TTC28: variants seen among roughly 807,000 people sequenced by gnomAD.
The protein encoded by TTC28 is tetratricopeptide repeat protein 28.
TTC28 carries 61 observed loss-of-function variants against 198.0 expected under a neutral mutation model. The ratio of observed to expected loss-of-function variants is 0.31; its 90% CI spans 0.25 to 0.38. TTC28 has a LOEUF of 0.38. Among genes scored for constraint, TTC28 ranks in the 10% least tolerant of loss-of-function variants. The pLI is 1.00. For missense variants in TTC28, 2,678 were observed against 3,164.0 expected (o/e 0.85, Z 3.69); for synonymous variants, 1,171 against 1,297.8 (o/e 0.90, Z 2.10).
At chr22:28,051,282 T>C (rs904631016) in intron 12 of TTC28, among the ~76,000 whole-genome samples, 6 of 152,250 alleles carry the variant, frequency 3.9e-5, no homozygotes, top group African/African-American at 1.4e-4. Context: ...CCATCTCTGA[T>C]GTTTTTTGAA....
chr22:28,209,872 TGAGAG>T (rs1306772112), intron 5 of TTC28, among the ~76,000 whole-genome samples: 1 of 152,204 alleles, frequency 6.6e-6, no homozygotes, highest in African/African-American at 2.4e-5. Flanking sequence ...GTAGTCTAAC[TGAGAG>T]ACACCTCCCA....
intron 2 of TTC28, among the ~76,000 whole-genome samples, chr22:28,471,773 C>G (rs183284390): frequency 1.2e-3 from 185 of 152,244 alleles, no homozygotes; most frequent in Non-Finnish European, 1.6e-3. Context: ...TTCTGTATAA[C>G]AAGAGAAAGA....
chr22:28,533,979 C>T (rs564895474), intron 2 of TTC28, among the ~76,000 whole-genome samples: 2 of 152,262 alleles, frequency 1.3e-5, no homozygotes, highest in South Asian at 4.2e-4. Context: ...CTAGGCAATA[C>T]CATTCAGGAC....
intron 2 of TTC28, among the ~76,000 whole-genome samples, chr22:28,492,119 G>A (rs2048388801): frequency 6.6e-6 from 1 of 152,028 alleles, no homozygotes; most frequent in Non-Finnish European, 1.5e-5. Flanking sequence ...GTGGGGTGGG[G>A]GGGAGCGGGG....
At chr22:28,309,140 A>G (rs1049380431) in intron 2 of TTC28, among the ~76,000 whole-genome samples, 1 of 152,222 alleles carries the variant, frequency 6.6e-6, no homozygotes, top group Non-Finnish European at 1.5e-5. Flanking sequence ...AGAGTTAAGC[A>G]CCCAACGAAA....
chr22:28,382,434 T>C (rs970435458), intron 2 of TTC28, among the ~76,000 whole-genome samples: 1 of 152,182 alleles, frequency 6.6e-6, no homozygotes, highest in African/African-American at 2.4e-5. Context: ...ACAGCAAATA[T>C]GATATTCACC....
At chr22:28,251,425 A>G (rs972501054) in intron 5 of TTC28, among the ~76,000 whole-genome samples, 1 of 152,218 alleles carries the variant, frequency 6.6e-6, no homozygotes. Context: ...ACTGGGCCTG[A>G]AAAACCTAAA....
At chr22:28,481,994 A>G (rs1055580495) in intron 2 of TTC28, among the ~76,000 whole-genome samples, 1 of 152,190 alleles carries the variant, frequency 6.6e-6, no homozygotes, top group Non-Finnish European at 1.5e-5. Context: ...TGAATTTCAC[A>G]TGCACACAGA....
chr22:28,105,946 G>A (rs184165775), intron 7 of TTC28, 144 bp from the exon 8 acceptor site: 40 of 1,068,004 alleles, frequency 3.7e-5, no homozygotes, highest in Admixed American at 3.5e-4. Context: ...TCTATCATGT[G>A]CCCTTAGAGT....
intron 5 of TTC28, among the ~76,000 whole-genome samples, chr22:28,260,722 T>C (rs1261168991): frequency 6.6e-6 from 1 of 152,172 alleles, no homozygotes; most frequent in Non-Finnish European, 1.5e-5. Context: ...TTTGGCATGA[T>C]TTGGCACCCA....
chr22:28,346,425 T>C (rs1036156658), intron 2 of TTC28, among the ~76,000 whole-genome samples: 1 of 152,226 alleles, frequency 6.6e-6, no homozygotes, highest in East Asian at 1.9e-4. Flanking sequence ...GGCTACTTTA[T>C]GTTCACTGGA....
At chr22:28,192,297 A>G (rs2147130847) in intron 5 of TTC28, among the ~76,000 whole-genome samples, 1 of 152,292 alleles carries the variant, frequency 6.6e-6, no homozygotes, top group East Asian at 1.9e-4. Context: ...GTATGTCACC[A>G]TCATCAAAGA....
At chr22:28,185,978 G>T (rs1224931419) in intron 5 of TTC28, among the ~76,000 whole-genome samples, 1 of 152,152 alleles carries the variant, frequency 6.6e-6, no homozygotes, top group Non-Finnish European at 1.5e-5. Context: ...AAATGAGAAA[G>T]AAGGCAAGGA....
At chr22:28,623,438 TA>T (rs1217584012) in intron 2 of TTC28, among the ~76,000 whole-genome samples, 2 of 152,196 alleles carry the variant, frequency 1.3e-5, no homozygotes, top group Admixed American at 6.5e-5. Context: ...TCCAAAATCT[TA>T]GTTCAAGATT....
At chr22:28,010,235 G>A (rs1336388432) in intron 14 of TTC28, among the ~76,000 whole-genome samples, 1 of 152,148 alleles carries the variant, frequency 6.6e-6, no homozygotes, top group East Asian at 1.9e-4. Flanking sequence ...TTTTCCCAGT[G>A]TATAAAGGCA....
At chr22:28,463,592 G>T (rs1179309170) in intron 2 of TTC28, among the ~76,000 whole-genome samples, 1 of 152,168 alleles carries the variant, frequency 6.6e-6, no homozygotes, top group Non-Finnish European at 1.5e-5. Flanking sequence ...CATAAAAAAG[G>T]ATGAGTCATG....
intron 6 of TTC28, among the ~76,000 whole-genome samples, chr22:28,117,645 T>C (rs924319378): frequency 3.9e-5 from 6 of 152,200 alleles, no homozygotes; most frequent in Admixed American, 2.6e-4. Flanking sequence ...TGATTAAAGA[T>C]TGCTGTTAGC....
At position 28,672,443 on chromosome 22, in the gene TTC28, G is replaced by A. The variant is rs189732507; in HGVS notation, c.102+7179C>T. Among the ~76,000 whole-genome samples, 1,130 of 152,224 alleles carry A rather than the reference G, an allele frequency of 7.4e-3. 7 individuals carry two copies. The highest frequency in any genetic ancestry group is 0.012 in the Non-Finnish European group (829 of 68,000). ...GGCCTCCCAAAGTGCTGGGATTACA[G>A]GCATGAGCCACCGCGCCCGGCCAAT... On this transcript the variant is annotated intron_variant, in intron 1 of 22. Transcript: ENST00000397906.
At chr22:28,189,822 A>C (rs893099456) in intron 5 of TTC28, among the ~76,000 whole-genome samples, 4 of 152,232 alleles carry the variant, frequency 2.6e-5, no homozygotes, top group African/African-American at 9.6e-5. Context: ...AAAGTCTCAA[A>C]AACTTTACCT....
Sources: gnomAD v4.1 joint callset for allele counts (sites outside exome capture counted in the v4.1 genomes callset) on GRCh38, gnomAD v4.1.1 for gene constraint, MANE v1.5 for transcripts, NCBI Gene and HGNC (gene_info 2026-07-23, HGNC 2026-07-21) for gene names.